The following SH3GL3 variants were observed in gnomAD, a reference collection of about 807,000 sequenced individuals.
SH3GL3 encodes the protein SH3 domain containing GRB2 like 3, endophilin A3.
Under a neutral mutation model 47.7 loss-of-function variants are expected in SH3GL3, and 33 were observed. That is an observed-to-expected ratio of 0.69 (90% CI 0.52 to 0.92). The LOEUF (loss-of-function observed/expected upper bound fraction) is 0.92. SH3GL3 is among the 40% of genes least tolerant of loss of function. The pLI, the probability that SH3GL3 is intolerant of heterozygous loss-of-function variation, is 0.00. For missense variants in SH3GL3, 363 were observed against 417.8 expected, an observed-to-expected ratio of 0.87 and a Z score of 1.14; for synonymous variants, 155 against 148.8, an observed-to-expected ratio of 1.04 and a Z score of -0.30.
In SH3GL3 at chr15:83,516,986, A is replaced by C. The variant is rs922297236; in HGVS notation, c.46-42267A>C. On this transcript the variant is annotated intron_variant, in intron 1 of 8. Coordinates refer to ENST00000427482, the MANE Select transcript of SH3GL3 (RefSeq NM_003027.5). ...TGGCAGTATAGAATACCATTGTATA[A>C]CTATACCATACTTTTTTGAGCTATT... is the stretch of plus-strand genomic sequence containing the variant. Among the ~76,000 whole-genome samples, 7 of 152,078 alleles carry C rather than the reference A, an allele frequency of 4.6e-5. No homozygotes were observed. In the East Asian group the frequency reaches 1.2e-3, roughly 25 times the overall value.
At chr15:83,543,446 T>TTTTG (rs964759728) in intron 1 of SH3GL3, among the ~76,000 whole-genome samples, 2 of 151,950 alleles carry the variant, frequency 1.3e-5, no homozygotes, top group East Asian at 1.9e-4. Flanking sequence ...TTTGTTGTTG[T>TTTTG]TTTGTTTGTT....
Position 83,576,638 on chromosome 15 carries a change from G to A in SH3GL3, c.521G>A (p.Arg174Gln). ...CTGGATTACGATTATAAAAAGAAAC[G>A]AGTAGGTAAGATACCAGACGAAGAA... ...RRLDYDYKKK[R>Q]VGKIPDEEVR... The change falls in exon 6 of 9, where the codon CGA becomes CAA. Residue 174 changes from arginine (R) to glutamine (Q), a missense_variant. Arg to Gln is a conservative substitution (Grantham distance 43). Coordinates refer to ENST00000427482, the MANE Select transcript of SH3GL3 (RefSeq NM_003027.5). The A allele has an allele frequency of 4.3e-6, 7 of 1,613,320 alleles. No homozygotes were observed. The highest frequency in any genetic ancestry group is 2.2e-5 in the East Asian group (1 of 44,890).
At chr15:83,495,234 C>T (rs2042034396) in intron 1 of SH3GL3, among the ~76,000 whole-genome samples, 1 of 152,150 alleles carries the variant, frequency 6.6e-6, no homozygotes, top group Non-Finnish European at 1.5e-5. Context: ...TCCTCTCCTG[C>T]TGCTCTCCCA....
intron 8 of SH3GL3, 69 bp downstream of exon 8, chr15:83,588,840 C>T: frequency 1.2e-6 from 1 of 829,976 alleles, no homozygotes; most frequent in Non-Finnish European, 2.1e-6. Context: ...TTATTTACTG[C>T]TTGTTTCTGG....
At chr15:83,515,529 G>A (rs11638296) in intron 1 of SH3GL3, among the ~76,000 whole-genome samples, 3 of 152,114 alleles carry the variant, frequency 2.0e-5, no homozygotes, top group East Asian at 1.9e-4. Context: ...TGCAGGTGGG[G>A]GGGGAGGGGA....
At chr15:83,515,009 A>C (rs1252299315) in intron 1 of SH3GL3, among the ~76,000 whole-genome samples, 1 of 152,146 alleles carries the variant, frequency 6.6e-6, no homozygotes, top group African/African-American at 2.4e-5. Flanking sequence ...AAGCTAGAAA[A>C]GGCAAGGACA....
At chr15:83,510,892 A>C (rs1596144888) in intron 1 of SH3GL3, among the ~76,000 whole-genome samples, 1 of 151,748 alleles carries the variant, frequency 6.6e-6, no homozygotes, top group African/African-American at 2.4e-5. Flanking sequence ...GCTTTCCCAA[A>C]AGAAAGCTGG....
chr15:83,510,254 A>G (rs75864474), intron 1 of SH3GL3, among the ~76,000 whole-genome samples: 3,700 of 152,324 alleles, frequency 0.024, 65 homozygotes, highest in Non-Finnish European at 0.036. Flanking sequence ...TAGATACAAT[A>G]GAAAGAATCT....
intron 7 of SH3GL3, among the ~76,000 whole-genome samples, chr15:83,588,428 A>G (rs1173299976): frequency 6.6e-6 from 1 of 152,168 alleles, no homozygotes; most frequent in African/African-American, 2.4e-5. Context: ...GGCTGGCCCA[A>G]TTAGTCTTCT....
intron 1 of SH3GL3, among the ~76,000 whole-genome samples, chr15:83,548,051 C>T (rs528563325): frequency 4.8e-4 from 72 of 151,436 alleles, no homozygotes; most frequent in African/African-American, 1.7e-3. Flanking sequence ...GAAATTATAA[C>T]ACACTTTTTT....
At chr15:83,487,663 G>C (rs1231176187) in intron 1 of SH3GL3, among the ~76,000 whole-genome samples, 1 of 152,076 alleles carries the variant, frequency 6.6e-6, no homozygotes, top group Admixed American at 6.5e-5. Context: ...TTGGCACACA[G>C]ATGTGATACA....
chr15:83,541,310 C>CAATTTTTTTTTTTTTTTTTTT (rs1567318555), intron 1 of SH3GL3, among the ~76,000 whole-genome samples: 1 of 47,750 alleles, frequency 2.1e-5, no homozygotes, highest in African/African-American at 6.5e-5. Flanking sequence ...TATGGTAATT[C>CAATTTTTTTTTTTTTTTTTTT]TATTTTTTTT....
chr15:83,611,513 G>C (rs895586620), intron 8 of SH3GL3: 7 of 151,056 alleles, frequency 4.6e-5, no homozygotes, highest in African/African-American at 1.7e-4. Flanking sequence ...AGGGGTTTCA[G>C]CCGCCTGTTC....
intron 1 of SH3GL3, among the ~76,000 whole-genome samples, chr15:83,554,010 T>C (rs753130888): frequency 5.3e-4 from 80 of 151,096 alleles, no homozygotes; most frequent in Non-Finnish European, 9.0e-4. Flanking sequence ...TTATTTTCTT[T>C]CTCTCGCTCT....
chr15:83,480,604 G>A (rs940206583), intron 1 of SH3GL3, among the ~76,000 whole-genome samples: 2 of 152,156 alleles, frequency 1.3e-5, no homozygotes, highest in African/African-American at 4.8e-5. Flanking sequence ...GTATCCATGG[G>A]TTCCACATTT....
At chr15:83,482,257 G>C (rs1166499592) in intron 1 of SH3GL3, among the ~76,000 whole-genome samples, 5 of 151,916 alleles carry the variant, frequency 3.3e-5, no homozygotes, top group African/African-American at 4.8e-5. Flanking sequence ...TCTTGTAATG[G>C]TTTATTTAGC....
chr15:83,545,738 AGGG>A (rs1364632350), intron 1 of SH3GL3, among the ~76,000 whole-genome samples: 1 of 152,216 alleles, frequency 6.6e-6, no homozygotes, highest in Non-Finnish European at 1.5e-5. Context: ...TATGTGCATT[AGGG>A]AGTGCCCTAA....
In SH3GL3 at chr15:83,520,415, C is replaced by T. The variant is rs753099262; in HGVS notation, c.46-38838C>T. Reference sequence around the variant, plus strand: ...AAACTGTCTCCCCTAAGGTGTAATCCACCTGTTAGTAATTTGCGTGTGGTG... The same window carrying T: ...AAACTGTCTCCCCTAAGGTGTAATCTACCTGTTAGTAATTTGCGTGTGGTG... On this transcript the variant is annotated intron_variant, in intron 1 of 8. Coordinates refer to ENST00000427482, the MANE Select transcript of SH3GL3 (RefSeq NM_003027.5). Among the ~76,000 whole-genome samples the T allele has an allele frequency of 2.6e-5, 4 of 152,140 alleles. No homozygotes were observed. In the East Asian group the frequency reaches 5.8e-4, roughly 22 times the overall value.
chr15:83,572,570 G>A lies in SH3GL3; in HGVS notation c.337G>A (p.Ala113Thr). 4 of 1,612,362 alleles carry A rather than the reference G, an allele frequency of 2.5e-6. No individual in the cohort carries two copies. Among genetic ancestry groups the A allele is most frequent in the Non-Finnish European group, 3.4e-6 (4 of 1,178,850 alleles). Residue 113 changes from alanine to threonine, a missense_variant, in exon 5 of 9, where the codon GCA becomes ACA. By Grantham distance (58) the Ala-to-Thr change is moderately conservative. Coordinates refer to ENST00000427482, the MANE Select transcript of SH3GL3 (RefSeq NM_003027.5). ...ATTTATGTTTTCTATTCAAGGCAAT[G>A]CATTGATAGAAGTTGGTGAATCCAT... ...ELGEDSTFGN[A>T]LIEVGESMKL...
Sources: allele counts gnomAD v4.1 joint callset (sites outside exome capture counted in the v4.1 genomes callset), GRCh38; gene constraint gnomAD v4.1.1; transcripts MANE v1.5; gene names NCBI Gene and HGNC (gene_info 2026-07-23, HGNC 2026-07-21).